Variants in MCF2L observed in about 807,000 individuals in gnomAD.
MCF2L encodes the protein guanine nucleotide exchange factor DBS.
MCF2L carries 97 observed loss-of-function variants against 153.4 expected under a neutral mutation model. The observed-to-expected ratio is 0.63, with a 90% CI of 0.54 to 0.75. MCF2L has a LOEUF of 0.75. MCF2L is among the 30% of genes least tolerant of loss of function. The pLI is 0.00. For missense variants in MCF2L, 1,347 were observed against 1,495.2 expected, an observed-to-expected ratio of 0.90 and a Z score of 1.64; for synonymous variants, 659 against 632.2, an observed-to-expected ratio of 1.04 and a Z score of -0.64.
chr13:113,070,273 A>G lies in MCF2L; in HGVS notation c.996+100A>G, dbSNP rs1385531612. On this transcript the variant is annotated intron_variant, in intron 9 of 29. Coordinates refer to ENST00000535094, the MANE Select transcript of MCF2L (RefSeq NM_001112732.3). The surrounding 1 kb of genome is among the most constrained non-coding windows in gnomAD (Gnocchi z 5.6). ...TGCCGGGAGCTGAGCCGTGCCACCC[A>G]GTTGACTTTGGCTTAATGCAGAAAA... 9.4e-6 allele frequency: 7 copies of G among 742,966 alleles called. No homozygotes were observed. The highest frequency in any genetic ancestry group is 3.9e-5 in the Admixed American group (1 of 25,758). The allele number at this position is 742,966 out of a possible 1,614,324, so 46.0% of individuals were successfully genotyped here.
At chr13:113,001,980 G>T in intron 1 of MCF2L, 1 of 1,583,316 alleles carries the variant, frequency 6.3e-7, no homozygotes, top group Non-Finnish European at 8.5e-7. Context: ...GAAGGCCGGC[G>T]CAGGTGCGTG....
rs758863800 is a variant in MCF2L, at chr13:113,084,066, G to C, written c.2060G>C (p.Arg687Thr). 1 of 1,613,484 alleles carries C rather than the reference G, an allele frequency of 6.2e-7. No homozygotes were observed. Among genetic ancestry groups the C allele is most frequent in the South Asian group, 1.1e-5 (1 of 91,066 alleles). Residue 687 changes from arginine (R) to threonine (T), a missense_variant and splice_region_variant, in exon 18 of 30, where the codon AGG (arginine) becomes ACG (threonine). Arg to Thr is a moderately conservative substitution (Grantham distance 71, BLOSUM62 -1). Coordinates refer to ENST00000535094, the MANE Select transcript of MCF2L (RefSeq NM_001112732.3). ...CTGGTTGGAAGATGCTTTCTGGAGA[G>C]GGTAGGTGGTGTTTTGACGTGTATT... Reference protein sequence around the residue: ...PELVGRCFLERMEDFQIYEKY... With the variant: ...PELVGRCFLETMEDFQIYEKY...
intron 15 of MCF2L, among the ~76,000 whole-genome samples, chr13:113,080,808 C>T (rs2034059150): frequency 6.6e-6 from 1 of 152,250 alleles, no homozygotes; most frequent in African/African-American, 2.4e-5. Context: ...AGGCGGGCGT[C>T]TTCTTGGCAG....
upstream of MCF2L, chr13:112,969,191 GCGCGCGCCCCCCTCCC>G: frequency 1.1e-6 from 1 of 935,930 alleles, no homozygotes; most frequent in Non-Finnish European, 1.3e-6. This position sits in a 1 kb window ranked among gnomAD's most constrained non-coding sequence, Gnocchi z 4.8. Flanking sequence ...CCGCGGCGCA[GCGCGCGCCCCCCTCCC>G]GGTGGCGCGG....
intron 2 of MCF2L, among the ~76,000 whole-genome samples, chr13:112,912,829 C>T (rs1033105462): frequency 6.7e-6 from 1 of 148,874 alleles, no homozygotes; most frequent in African/African-American, 2.5e-5. Context: ...TGGGGTGTGC[C>T]TGTGTGTGTG....
At chr13:112,909,547 G>GCT in intron 2 of MCF2L, 1 of 479,480 alleles carries the variant, frequency 2.1e-6, no homozygotes, top group East Asian at 3.1e-5. Context: ...TGCAGGTAGT[G>GCT]CTCAGTGGCA....
intron 9 of MCF2L, among the ~76,000 whole-genome samples, chr13:113,072,734 C>G (rs2033043174): frequency 6.6e-6 from 1 of 151,996 alleles, no homozygotes; most frequent in Admixed American, 6.6e-5. Context: ...GCATCTTTTC[C>G]TTTTTTCTTT....
chr13:112,909,249 G>C, intron 2 of MCF2L: 2 of 779,784 alleles, frequency 2.6e-6, no homozygotes, highest in Non-Finnish European at 4.8e-6. Flanking sequence ...TGTGATTCCA[G>C]CAGAGGTCTC....
chr13:113,001,559 T>A (rs1025380055), intron 1 of MCF2L: 10 of 380,516 alleles, frequency 2.6e-5, no homozygotes, highest in Non-Finnish European at 3.7e-5. Context: ...ACTCAGTGGA[T>A]GGGACTTTGG....
In MCF2L at chr13:113,014,849, G is replaced by A; in HGVS notation, c.163+3G>A. 1.9e-6 allele frequency: 3 copies of A among 1,613,848 alleles called. No homozygotes were observed. The highest frequency in any genetic ancestry group is 1.7e-6 in the Non-Finnish European group (2 of 1,179,888). On this transcript the variant is annotated splice_donor_region_variant and intron_variant, in intron 2 of 29. Coordinates refer to ENST00000535094, the MANE Select transcript of MCF2L (RefSeq NM_001112732.3). ...GAAGCGCTTTGCTTACCTGTCCGGT[G>A]AGTTCCAGAAGCTGGGATGGGGTGG... is the stretch of plus-strand genomic sequence containing the variant.
intron 2 of MCF2L, among the ~76,000 whole-genome samples, chr13:112,955,598 A>G (rs1391165573): frequency 3.3e-5 from 5 of 152,174 alleles, no homozygotes; most frequent in Non-Finnish European, 5.9e-5. Flanking sequence ...AACTCCCTCA[A>G]GGTCACCCCC....
intron 2 of MCF2L, among the ~76,000 whole-genome samples, chr13:112,958,472 C>T (rs186035124): frequency 6.6e-6 from 1 of 152,346 alleles, no homozygotes; most frequent in East Asian, 1.9e-4. Flanking sequence ...TGTTAATCAG[C>T]CACATCCACA....
intron 27 of MCF2L, 36 bp from the exon 28 acceptor site, chr13:113,096,335 C>G: frequency 6.8e-7 from 1 of 1,480,748 alleles, no homozygotes; most frequent in South Asian, 1.2e-5. Context: ...GGGGCGGGTG[C>G]TGACGCTGTC....
In MCF2L at chr13:113,075,036, C is replaced by G. The variant is rs143909527; in HGVS notation, c.1155C>G (p.Gly385=). 6.2e-7 allele frequency: 1 copy of G among 1,611,282 alleles called. No homozygotes were observed. The highest frequency in any genetic ancestry group is 8.5e-7 in the Non-Finnish European group (1 of 1,178,210). Residue 385 remains glycine, a synonymous_variant, in exon 11 of 30, where the codon GGC becomes GGG. Coordinates refer to ENST00000535094, the MANE Select transcript of MCF2L (RefSeq NM_001112732.3). ...GGGCCCGGGCCCTGTCTCTGGACGG[C>G]GAGCAGCTCATTGGGAACAAGCACT... ...VERARALSLD[G]EQLIGNKHYA...
At chr13:112,958,776 C>T (rs948014871) in intron 2 of MCF2L, among the ~76,000 whole-genome samples, 6 of 152,222 alleles carry the variant, frequency 3.9e-5, no homozygotes, top group Admixed American at 3.3e-4. Context: ...GTGTGGGATA[C>T]GTGTGCCAGG....
Position 113,027,074 on chromosome 13 carries a change from C to A in MCF2L, c.278+2316C>A. The A allele has an allele frequency of 1.3e-6, 1 of 761,878 alleles. No individual in the cohort carries two copies. Among genetic ancestry groups the A allele is most frequent in the Non-Finnish European group, 2.4e-6 (1 of 413,058 alleles). The allele number at this position is 761,878 out of a possible 1,614,324, so 47.2% of individuals were successfully genotyped here. On this transcript the variant is annotated intron_variant, in intron 3 of 29. Transcript: ENST00000535094. This position sits in a 1 kb window ranked among gnomAD's most constrained non-coding sequence, Gnocchi z 4.8. The stretch of plus-strand genomic sequence containing the variant: ...AAAACAGAAATATCCTTAAATATGG[C>A]ATCTGTATCCCGCACATTACATAAG...
At chr13:112,977,433 T>C (rs2082254538) in intron 1 of MCF2L, among the ~76,000 whole-genome samples, 1 of 152,168 alleles carries the variant, frequency 6.6e-6, no homozygotes, top group South Asian at 2.1e-4. Context: ...CGGCCGCGTT[T>C]TCACGATGGT....
chr13:113,052,308 G>T (rs565840938), intron 4 of MCF2L, among the ~76,000 whole-genome samples: 29 of 152,286 alleles, frequency 1.9e-4, no homozygotes, highest in African/African-American at 6.5e-4. Context: ...GGAGCCCGGG[G>T]GTCCCTGGGA....
chr13:112,957,382 C>T (rs1314935040), intron 2 of MCF2L: 2 of 152,244 alleles, frequency 1.3e-5, no homozygotes, highest in African/African-American at 4.8e-5. Flanking sequence ...ACTGTAGAGG[C>T]TTTGGACTTT....
Sources: gnomAD v4.1 joint callset for allele counts (sites outside exome capture counted in the v4.1 genomes callset) on GRCh38, gnomAD v4.1.1 for gene constraint, Gnocchi (gnomAD v3.1) non-coding constraint, MANE v1.5 for transcripts, NCBI Gene and HGNC (gene_info 2026-07-23, HGNC 2026-07-21) for gene names.